Variants in KIAA1217 observed in about 807,000 individuals in gnomAD.
KIAA1217 encodes sickle tail protein homolog.
KIAA1217 carries 88 observed loss-of-function variants against 163.9 expected under a neutral mutation model. The ratio of observed to expected loss-of-function variants is 0.54; its 90% CI spans 0.45 to 0.64. The LOEUF (loss-of-function observed/expected upper bound fraction) is 0.64, where lower values mean the gene tolerates loss of function less well. Ranked by LOEUF, KIAA1217 falls within the 30% of genes least tolerant of loss-of-function variation. KIAA1217 has a pLI of 0.00. For missense variants in KIAA1217, 2,372 were observed against 2,475.0 expected (o/e 0.96, Z 0.88); for synonymous variants, 903 against 923.1 (o/e 0.98, Z 0.39).
Position 23,995,477 on chromosome 10 carries a change from TGTGTGA to T in KIAA1217, c.-320-11742_-320-11737del, listed in dbSNP as rs923683510. Among the ~76,000 whole-genome samples, 44 of 142,474 alleles carry T rather than the reference TGTGTGA, an allele frequency of 3.1e-4. No individual in the cohort carries two copies. The East Asian group carries it at 7.8e-3, about 25-fold the overall frequency. The allele number at this position is 142,474 out of a possible 152,430, so 93.5% of individuals were successfully genotyped here. Reference sequence around the variant, plus strand: ...GTGTGTGTGTGTGTGTGTGTGTGTGTGTGTGAGTGTGTGTGTTGTGTCTATATATAA... The same window carrying T: ...GTGTGTGTGTGTGTGTGTGTGTGTGTGTGTGTGTGTTGTGTCTATATATAA... On this transcript the variant is annotated intron_variant, in intron 1 of 18. Transcript: ENST00000376462.
rs188208984 is a variant in KIAA1217, at chr10:24,053,827, A to G, written c.-171+46453A>G. ...TTTATATACAAAATGGCATGAATGC[A>G]CAGAAGAACAGGCCATTTCCCCCAG... On this transcript the variant is annotated intron_variant, in intron 2 of 18. Transcript: ENST00000376462. 2.4e-4 allele frequency among the ~76,000 whole-genome samples: 37 copies of G among 152,286 alleles called. No individual in the cohort carries two copies. The East Asian group carries it at 4.2e-3, about 17-fold the overall frequency.
intron 1 of KIAA1217, among the ~76,000 whole-genome samples, chr10:23,726,239 G>A (rs1010767122): frequency 3.4e-5 from 5 of 148,704 alleles, no homozygotes; most frequent in Admixed American, 2.7e-4. Flanking sequence ...AAGTTTCTAG[G>A]ATTTGGGGGA....
rs1041852240 is a variant in KIAA1217, at chr10:24,154,204, G to A, written c.-170-65422G>A. ...GATCTCCTGACCTCGTGATCCGCCCGCCTCGGCCTCCCAAAGTGCTGGGAT... is the reference window on the plus strand; with the variant it reads ...GATCTCCTGACCTCGTGATCCGCCCACCTCGGCCTCCCAAAGTGCTGGGAT... On this transcript the variant is annotated intron_variant, in intron 2 of 18. Coordinates refer to the KIAA1217 transcript ENST00000376462. 9.2e-4 allele frequency among the ~76,000 whole-genome samples: 139 copies of A among 151,910 alleles called. 1 individual carries two copies. Among genetic ancestry groups the A allele is most frequent in the African/African-American group, 3.2e-3 (134 of 41,450 alleles).
intron 5 of KIAA1217, among the ~76,000 whole-genome samples, chr10:24,444,103 C>T (rs145998362): frequency 0.076 from 11,557 of 152,024 alleles, 600 homozygotes; most frequent in East Asian, 0.17. Context: ...CTCTGCCTCC[C>T]GTGTTCAAGC....
At chr10:23,952,423 T>C (rs970161429) in intron 1 of KIAA1217, among the ~76,000 whole-genome samples, 7 of 152,228 alleles carry the variant, frequency 4.6e-5, no homozygotes, top group Non-Finnish European at 8.8e-5. Flanking sequence ...GGATTTAATC[T>C]GTCTTTGAAA....
At chr10:24,154,248 C>T (rs1018985432) in intron 2 of KIAA1217, among the ~76,000 whole-genome samples, 9 of 152,036 alleles carry the variant, frequency 5.9e-5, no homozygotes, top group Non-Finnish European at 1.0e-4. Flanking sequence ...TGAGCCACCC[C>T]GCCCGGCCAA....
chr10:24,431,896 A>G (rs10508674), intron 3 of KIAA1217, among the ~76,000 whole-genome samples: 92,595 of 151,928 alleles, frequency 0.61, 29,645 homozygotes, highest in African/African-American at 0.82. Context: ...TTGAGGTGCC[A>G]GATTCTAGCA....
At chr10:24,063,148 A>T (rs899285923) in intron 2 of KIAA1217, among the ~76,000 whole-genome samples, 1 of 151,950 alleles carries the variant, frequency 6.6e-6, no homozygotes, top group African/African-American at 2.4e-5. Context: ...GTTTAATTAG[A>T]TCCCATTTGT....
chr10:24,202,316 C>G (rs1016174520), intron 2 of KIAA1217, among the ~76,000 whole-genome samples: 1 of 152,194 alleles, frequency 6.6e-6, no homozygotes. Context: ...TCACTTGTTT[C>G]GCTGGCCCTG....
chr10:23,739,157 C>T (rs2130805824), intron 1 of KIAA1217, among the ~76,000 whole-genome samples: 1 of 152,272 alleles, frequency 6.6e-6, no homozygotes, highest in East Asian at 1.9e-4. Context: ...AACATAAAGT[C>T]AAATGCCACA....
In KIAA1217 at chr10:23,718,449, G is replaced by T. The variant is rs77441545; in HGVS notation, c.-321+23215G>T. Among the ~76,000 whole-genome samples the T allele has an allele frequency of 1.2e-3, 181 of 152,138 alleles. 13 individuals are homozygous for T. In the East Asian group the frequency reaches 0.028, roughly 24 times the overall value. On this transcript the variant is annotated intron_variant, in intron 1 of 18. Transcript: ENST00000376462. ...ATAATGAAAGATGTGTCCCAAGTTT[G>T]TTTTTTTCCATGTTTAAATCTTTTT...
intron 1 of KIAA1217, among the ~76,000 whole-genome samples, chr10:23,922,186 A>G (rs1464156873): frequency 6.6e-6 from 1 of 152,160 alleles, no homozygotes; most frequent in African/African-American, 2.4e-5. Context: ...TAGAAACCCT[A>G]AAAGAAGGGG....
chr10:24,165,774 C>A (rs553347879), intron 2 of KIAA1217, among the ~76,000 whole-genome samples: 1 of 152,162 alleles, frequency 6.6e-6, no homozygotes, highest in African/African-American at 2.4e-5. Flanking sequence ...ACAAATGAAA[C>A]TATTTCATGT....
chr10:24,299,565 A>T (rs2041052815), intron 2 of KIAA1217, among the ~76,000 whole-genome samples: 1 of 151,914 alleles, frequency 6.6e-6, no homozygotes, highest in Non-Finnish European at 1.5e-5. Flanking sequence ...CGCCTGGCTA[A>T]TTTTTTAATT....
chr10:24,281,732 A>G (rs190669509), intron 2 of KIAA1217, among the ~76,000 whole-genome samples: 1 of 152,034 alleles, frequency 6.6e-6, no homozygotes, highest in Non-Finnish European at 1.5e-5. Context: ...AGAAATGAAA[A>G]GCCATTCTCA....
chr10:23,733,404 A>G (rs1489093014), intron 1 of KIAA1217, among the ~76,000 whole-genome samples: 1 of 152,194 alleles, frequency 6.6e-6, no homozygotes, highest in Non-Finnish European at 1.5e-5. Flanking sequence ...TTTTGGTATC[A>G]TCAGGGAATT....
intron 2 of KIAA1217, among the ~76,000 whole-genome samples, chr10:24,317,722 C>T (rs1409758283): frequency 6.6e-6 from 1 of 152,170 alleles, no homozygotes; most frequent in Non-Finnish European, 1.5e-5. Flanking sequence ...GTTAAAGGTT[C>T]TTAGGCTTTC....
chr10:24,404,291 G>A (rs915794180), intron 3 of KIAA1217, among the ~76,000 whole-genome samples: 66 of 152,218 alleles, frequency 4.3e-4, no homozygotes, highest in African/African-American at 1.5e-3. Flanking sequence ...AAAGTGGGCC[G>A]GGTGCGGTGG....
intron 1 of KIAA1217, among the ~76,000 whole-genome samples, chr10:23,964,874 C>T (rs926394476): frequency 6.6e-6 from 1 of 152,090 alleles, no homozygotes; most frequent in African/African-American, 2.4e-5. Context: ...ATTCTTAATC[C>T]AGTGCCTTAG....
Sources: allele counts gnomAD v4.1 joint callset (sites outside exome capture counted in the v4.1 genomes callset), GRCh38; gene constraint gnomAD v4.1.1; transcripts MANE v1.5; gene names NCBI Gene and HGNC (gene_info 2026-07-23, HGNC 2026-07-21).